The following LOC122539214 variants were observed in gnomAD, a reference collection of about 807,000 sequenced individuals.
At chr19:52,687,693 C>T in the LOC122539214 span, among the ~76,000 whole-genome samples, 1 of 131,574 alleles carries the variant, frequency 7.6e-6, no homozygotes, top group Non-Finnish European at 1.6e-5. Flanking sequence ...GGCTTGGTGG[C>T]TCATGTCTGA....
chr19:52,650,644 CTTCAAGT>C, the LOC122539214 span: 1 of 152,124 alleles, frequency 6.6e-6, no homozygotes, highest in Non-Finnish European at 1.5e-5. Context: ...ATTAGAAGAA[CTTCAAGT>C]TTTAGGAGTC....
the LOC122539214 span, among the ~76,000 whole-genome samples, chr19:52,659,852 A>C: frequency 6.6e-6 from 1 of 152,184 alleles, no homozygotes; most frequent in Non-Finnish European, 1.5e-5. Context: ...AACAGCCAAA[A>C]GAAGAGCTAA....
the LOC122539214 span, among the ~76,000 whole-genome samples, chr19:52,658,358 A>AACTG: frequency 2.0e-5 from 3 of 152,054 alleles, no homozygotes; most frequent in South Asian, 6.2e-4. Context: ...CTGAGGTCAG[A>AACTG]AGTTCATGAC....
chr19:52,663,550 T>C, the LOC122539214 span, among the ~76,000 whole-genome samples: 1 of 152,192 alleles, frequency 6.6e-6, no homozygotes, highest in South Asian at 2.1e-4. Context: ...GGAAAGAAAA[T>C]GGAGTAATAG....
chr19:52,663,458 C>T, the LOC122539214 span, among the ~76,000 whole-genome samples: 1 of 152,116 alleles, frequency 6.6e-6, no homozygotes, highest in African/African-American at 2.4e-5. Flanking sequence ...TCAACATCTG[C>T]AAAGAATATT....
chr19:52,652,901 T>C, the LOC122539214 span: 30 of 1,109,798 alleles, frequency 2.7e-5, 1 homozygote, highest in South Asian at 3.1e-4. Flanking sequence ...TTGTAAGGTT[T>C]CTCTCCACTA....
chr19:52,662,656 C>T, the LOC122539214 span, among the ~76,000 whole-genome samples: 31 of 152,112 alleles, frequency 2.0e-4, no homozygotes, highest in African/African-American at 7.0e-4. Context: ...AACTATTTGG[C>T]CAATCATTTC....
chr19:52,670,938 C>T, the LOC122539214 span, among the ~76,000 whole-genome samples: 28 of 152,160 alleles, frequency 1.8e-4, 1 homozygote, highest in Admixed American at 1.2e-3. Context: ...CTTTTGAAGT[C>T]CTCTGCTGGC....
chr19:52,667,551 G>A, the LOC122539214 span, among the ~76,000 whole-genome samples: 1 of 152,282 alleles, frequency 6.6e-6, no homozygotes, highest in African/African-American at 2.4e-5. Context: ...GCAGAAGAAT[G>A]TGGATTTTTA....
the LOC122539214 span, among the ~76,000 whole-genome samples, chr19:52,687,735 G>T: frequency 6.9e-6 from 1 of 144,254 alleles, no homozygotes; most frequent in African/African-American, 2.6e-5. Flanking sequence ...TGAGGTAGGA[G>T]GATCACTTGA....
the LOC122539214 span, among the ~76,000 whole-genome samples, chr19:52,667,723 T>C: frequency 2.6e-5 from 4 of 152,212 alleles, no homozygotes; most frequent in Admixed American, 1.3e-4. Context: ...CAACCAGTTT[T>C]TCTTAAAGCA....
chr19:52,662,076 T>C, the LOC122539214 span, among the ~76,000 whole-genome samples: 1 of 152,128 alleles, frequency 6.6e-6, no homozygotes, highest in Non-Finnish European at 1.5e-5. Flanking sequence ...TCCATAGGGA[T>C]GAGGTCTTGA....
the LOC122539214 span, among the ~76,000 whole-genome samples, chr19:52,665,618 G>C: frequency 2.0e-4 from 30 of 152,044 alleles, no homozygotes; most frequent in Admixed American, 1.9e-3. Context: ...TTAATCACCT[G>C]CTCCACCCTG....
the LOC122539214 span, chr19:52,655,538 A>C: frequency 6.8e-7 from 1 of 1,471,544 alleles, no homozygotes; most frequent in Non-Finnish European, 9.5e-7. Flanking sequence ...GATTCCTCAC[A>C]TCAGGAGGGA....
chr19:52,680,577 TTG>T, the LOC122539214 span, among the ~76,000 whole-genome samples: 1 of 151,796 alleles, frequency 6.6e-6, no homozygotes, highest in African/African-American at 2.4e-5. Flanking sequence ...TTCTCCACAG[TTG>T]TGTTTTATTG....
the LOC122539214 span, among the ~76,000 whole-genome samples, chr19:52,673,965 G>A: frequency 7.1e-6 from 1 of 139,874 alleles, no homozygotes; most frequent in Non-Finnish European, 1.5e-5. Context: ...GCAGTGAGTC[G>A]AGATCATGCC....
the LOC122539214 span, among the ~76,000 whole-genome samples, chr19:52,683,283 T>C: frequency 9.4e-6 from 1 of 106,856 alleles, no homozygotes; most frequent in African/African-American, 3.5e-5. Flanking sequence ...TGTGTGTGTA[T>C]GCTCACGTGT....
chr19:52,687,989 T>C, the LOC122539214 span, among the ~76,000 whole-genome samples: 4 of 151,984 alleles, frequency 2.6e-5, no homozygotes, highest in African/African-American at 9.7e-5. Flanking sequence ...AACTGGAAGC[T>C]AACCTCTGAT....
chr19:52,672,983 A>G, the LOC122539214 span, among the ~76,000 whole-genome samples: 1 of 151,300 alleles, frequency 6.6e-6, no homozygotes, highest in African/African-American at 2.5e-5. Flanking sequence ...ACTGTAGTCA[A>G]TGATTAAATT....
Sources: allele counts gnomAD v4.1 joint callset (sites outside exome capture counted in the v4.1 genomes callset), GRCh38; gene constraint gnomAD v4.1.1; transcripts MANE v1.5.